The following ATXN2 variants were observed in gnomAD, a reference collection of about 807,000 sequenced individuals.
The protein encoded by ATXN2 is ataxin-2.
A neutral mutation model predicts 138.6 loss-of-function variants in ATXN2; 37 were observed. That is an observed-to-expected ratio of 0.27 (90% CI 0.21 to 0.35). The LOEUF is 0.35. ATXN2 is among the 10% of genes least tolerant of loss of function. The pLI is 1.00. For missense variants in ATXN2, 1,216 were observed against 1,480.3 expected, an observed-to-expected ratio of 0.82 and a Z score of 2.93; for synonymous variants, 549 against 543.7, an observed-to-expected ratio of 1.01 and a Z score of -0.13.
intron 14 of ATXN2, among the ~76,000 whole-genome samples, chr12:111,507,114 C>A (rs1469591452): frequency 6.6e-6 from 1 of 152,048 alleles, no homozygotes; most frequent in East Asian, 1.9e-4. Flanking sequence ...AGCGTCTCTG[C>A]CTGGCCACCC....
In ATXN2 at chr12:111,452,838, G is replaced by A. The variant is rs759570005; in HGVS notation, c.3442C>T (p.Gln1148Ter). ...TACAACTGCTGTTGGTGGTGGGCTT[G>A]TACTGTAAAAAGAAAAGCGAACATT... is the stretch of plus-strand genomic sequence containing the variant. ...HFPYMTHPSV[Q>*]AHHQQQL Residue 1148 changes from glutamine (Q) to a stop codon, truncating the protein, a stop_gained and splice_region_variant, in exon 25 of 25, where the codon CAA becomes TAA. Coordinates refer to ENST00000673436, the MANE Select transcript of ATXN2 (RefSeq NM_001372574.1). LOFTEE classifies it high-confidence loss of function. 4 of 1,610,764 alleles carry A rather than the reference G, an allele frequency of 2.5e-6. No individual in the cohort carries two copies. Among genetic ancestry groups the A allele is most frequent in the Admixed American group, 1.7e-5 (1 of 59,428 alleles).
intron 5 of ATXN2, among the ~76,000 whole-genome samples, chr12:111,537,076 C>T (rs2135763384): frequency 1.3e-5 from 2 of 152,184 alleles, no homozygotes; most frequent in South Asian, 2.1e-4. Flanking sequence ...TGAGCCACCA[C>T]ACCCGGCCCA....
intron 16 of ATXN2, among the ~76,000 whole-genome samples, chr12:111,486,440 T>A (rs1053468593): frequency 6.6e-6 from 1 of 152,240 alleles, no homozygotes; most frequent in African/African-American, 2.4e-5. Flanking sequence ...TTTTGATCCA[T>A]GGTTGGTTGA....
chr12:111,564,824 G>A (rs1054921783), intron 1 of ATXN2: 1 of 152,060 alleles, frequency 6.6e-6, no homozygotes, highest in African/African-American at 2.4e-5. Context: ...TCTGCATGGG[G>A]GCATTTCTGG....
At chr12:111,519,796 A>G in intron 8 of ATXN2, 83 bp downstream of exon 8, 1 of 1,594,690 alleles carries the variant, frequency 6.3e-7, no homozygotes, top group Non-Finnish European at 8.6e-7. Flanking sequence ...TTAAAGGAAG[A>G]GGAAATATAA....
intron 14 of ATXN2, among the ~76,000 whole-genome samples, chr12:111,499,911 A>G (rs1258579151): frequency 6.6e-6 from 1 of 152,186 alleles, no homozygotes; most frequent in Admixed American, 6.5e-5. Flanking sequence ...CTACAACAAG[A>G]TATCATCTCA....
Position 111,598,831 on chromosome 12 carries a change from G to A in ATXN2, c.204C>T (p.Ser68=), listed in dbSNP as rs1035473042. 9.9e-5 allele frequency: 145 copies of A among 1,459,990 alleles called. No individual in the cohort carries two copies. The highest frequency in any genetic ancestry group is 1.3e-4 in the Non-Finnish European group (141 of 1,111,540). 90.4% of individuals were successfully genotyped at this position (1,459,990 alleles called of 1,614,324 possible). Residue 68 remains serine, a synonymous_variant, in exon 1 of 25, where the codon TCC becomes TCT. Coordinates refer to ENST00000673436, the MANE Select transcript of ATXN2 (RefSeq NM_001372574.1). The surrounding 1 kb of genome is among the most constrained non-coding windows in gnomAD (Gnocchi z 4.5). ...CGCCGGAGGTCGCCGCGACCACCGA[G>A]GAGGGAGCCGTGGCCGAGGACGAGG... is the stretch of plus-strand genomic sequence containing the variant. ...SVSSSSATAP[S]SVVAATSGGG... is the part of the protein sequence containing the mutation.
chr12:111,544,349 CT>C (rs1881694866), intron 5 of ATXN2, among the ~76,000 whole-genome samples: 2 of 152,144 alleles, frequency 1.3e-5, no homozygotes, highest in Admixed American at 1.3e-4. Context: ...TAAAATAATG[CT>C]TCTACAAAAG....
chr12:111,456,208 G>A lies in ATXN2; in HGVS notation c.3091C>T (p.Gln1031Ter). 6.2e-7 allele frequency: 1 copy of A among 1,614,286 alleles called. No homozygotes were observed. The highest frequency in any genetic ancestry group is 8.5e-7 in the Non-Finnish European group (1 of 1,180,052). ...AQALHLASPQ[Q>*]QSAIYHAGLA... ...CCCGCGTGGTAAATGGCTGACTGCT[G>A]CTGTGGACTGGCCAGATGGAGAGCC... Residue 1031 changes from glutamine to a stop codon, truncating the protein, a stop_gained, in exon 23 of 25, where the codon CAG (glutamine) becomes TAG (stop). Coordinates refer to ENST00000673436, the MANE Select transcript of ATXN2 (RefSeq NM_001372574.1). LOFTEE classifies it high-confidence loss of function.
rs1885095176 is a variant in ATXN2, at chr12:111,598,963, C to CTGT, written c.71_72insACA (p.Gln28dup). ...CCGCGGGCGGCGGCTGCTGCTGCTG[C>CTGT]TGCTGCTGCTGCTGTTGCTGCTGCT... On this transcript the variant is annotated inframe_insertion, in exon 1 of 25. Coordinates refer to ENST00000673436, the MANE Select transcript of ATXN2 (RefSeq NM_001372574.1). The surrounding 1 kb of genome is among the most constrained non-coding windows in gnomAD (Gnocchi z 4.5). 2 of 1,502,556 alleles carry CTGT rather than the reference C, an allele frequency of 1.3e-6. No individual in the cohort carries two copies. The highest frequency in any genetic ancestry group is 1.8e-6 in the Non-Finnish European group (2 of 1,128,580). 93.1% of individuals were successfully genotyped at this position (1,502,556 alleles called of 1,614,324 possible).
chr12:111,524,532 G>C (rs1484315639), intron 6 of ATXN2, among the ~76,000 whole-genome samples: 2 of 152,174 alleles, frequency 1.3e-5, no homozygotes, highest in African/African-American at 4.8e-5. Context: ...CTGGGCTCAA[G>C]TGATCCTCCT....
At chr12:111,532,750 T>A (rs889004076) in intron 5 of ATXN2, among the ~76,000 whole-genome samples, 1 of 151,576 alleles carries the variant, frequency 6.6e-6, no homozygotes, top group Non-Finnish European at 1.5e-5. Flanking sequence ...GAATCCTGCC[T>A]CTTTGTACTG....
At chr12:111,577,367 G>A (rs1397286333) in intron 1 of ATXN2, among the ~76,000 whole-genome samples, 2 of 152,064 alleles carry the variant, frequency 1.3e-5, no homozygotes, top group East Asian at 1.9e-4. Flanking sequence ...CCGGGTTCAC[G>A]CCATTCTCCT....
chr12:111,455,427 GGC>G, intron 23 of ATXN2: 2 of 349,658 alleles, frequency 5.7e-6, no homozygotes, highest in Non-Finnish European at 5.4e-6. Flanking sequence ...GTGCTTCCAG[GGC>G]TGCTCTTAAA....
At chr12:111,510,277 A>T in intron 12 of ATXN2, 108 bp downstream of exon 12, 1 of 1,243,338 alleles carries the variant, frequency 8.0e-7, no homozygotes, top group South Asian at 1.5e-5. Context: ...TGCACTAAAA[A>T]TACTTGTCTA....
At chr12:111,535,993 C>T (rs1881147432) in intron 5 of ATXN2, among the ~76,000 whole-genome samples, 2 of 137,718 alleles carry the variant, frequency 1.5e-5, no homozygotes, top group Admixed American at 1.4e-4. Flanking sequence ...GAGCGAGACT[C>T]CGTCTCAAAA....
At chr12:111,579,029 C>A (rs955670972) in intron 1 of ATXN2, among the ~76,000 whole-genome samples, 1 of 151,974 alleles carries the variant, frequency 6.6e-6, no homozygotes, top group South Asian at 2.1e-4. Flanking sequence ...CAGAGCAAGA[C>A]CCTGCCTCAA....
At chr12:111,582,521 T>A (rs1338288754) in intron 1 of ATXN2, among the ~76,000 whole-genome samples, 1 of 151,610 alleles carries the variant, frequency 6.6e-6, no homozygotes, top group African/African-American at 2.4e-5. Flanking sequence ...GGTGGGAGGA[T>A]CACTTGAACC....
chr12:111,496,067 T>C (rs928579633), intron 14 of ATXN2, among the ~76,000 whole-genome samples: 11 of 151,534 alleles, frequency 7.3e-5, no homozygotes, highest in Admixed American at 1.3e-4. Flanking sequence ...GGTGGGAGGA[T>C]TGCTTGAGCC....
Sources: gnomAD v4.1 joint callset for allele counts (sites outside exome capture counted in the v4.1 genomes callset) on GRCh38, gnomAD v4.1.1 for gene constraint, Gnocchi (gnomAD v3.1) non-coding constraint, MANE v1.5 for transcripts, NCBI Gene and HGNC (gene_info 2026-07-23, HGNC 2026-07-21) for gene names.